TTC7B: variants seen among roughly 807,000 people sequenced by gnomAD.
TTC7B encodes tetratricopeptide repeat domain 7B, also known as tetratricopeptide repeat protein 7B.
TTC7B carries 28 observed loss-of-function variants against 106.8 expected under a neutral mutation model. The ratio of observed to expected loss-of-function variants is 0.26; its 90% CI spans 0.19 to 0.36. The LOEUF (loss-of-function observed/expected upper bound fraction) is 0.36, where lower values mean the gene tolerates loss of function less well. Ranked by LOEUF, TTC7B falls within the 10% of genes least tolerant of loss-of-function variation. The pLI, the probability that TTC7B is intolerant of heterozygous loss-of-function variation, is 1.00. For missense variants in TTC7B, 862 were observed against 1,076.4 expected (o/e 0.80, Z 2.79); for synonymous variants, 405 against 430.6 (o/e 0.94, Z 0.74).
intron 15 of TTC7B, among the ~76,000 whole-genome samples, chr14:90,620,789 G>C (rs1013282534): frequency 6.6e-6 from 1 of 152,250 alleles, no homozygotes; most frequent in African/African-American, 2.4e-5. Flanking sequence ...CAGCTTGGGG[G>C]AACAGTTTTG....
intron 16 of TTC7B, among the ~76,000 whole-genome samples, chr14:90,615,280 C>G (rs1031942939): frequency 6.6e-6 from 1 of 152,190 alleles, no homozygotes; most frequent in Non-Finnish European, 1.5e-5. Context: ...CCTGCTACTG[C>G]CCACGTCTTC....
At chr14:90,617,360 ACTCTT>A (rs1413581050) in intron 16 of TTC7B, among the ~76,000 whole-genome samples, 2 of 152,140 alleles carry the variant, frequency 1.3e-5, no homozygotes, top group African/African-American at 4.8e-5. Flanking sequence ...TGTTCTTCAA[ACTCTT>A]CTGTGAATAG....
rs186947492 is a variant in TTC7B at position 90,731,716 on chromosome 14, G to A, written c.577-1520C>T. 1.0e-3 allele frequency among the ~76,000 whole-genome samples: 153 copies of A among 152,214 alleles called. 1 individual carries two copies. Among genetic ancestry groups the A allele is most frequent in the African/African-American group, 3.6e-3 (150 of 41,526 alleles). On this transcript the variant is annotated intron_variant, in intron 4 of 19. Coordinates refer to ENST00000328459, the MANE Select transcript of TTC7B (RefSeq NM_001010854.2). ...CATCCGTCAAGTGCCAGAGATGCAC[G>A]CGGCACCATCGGAGCCACACTCCTT... is the stretch of plus-strand genomic sequence containing the variant.
intron 18 of TTC7B, among the ~76,000 whole-genome samples, chr14:90,588,169 C>T (rs572498992): frequency 6.6e-6 from 1 of 152,296 alleles, no homozygotes; most frequent in East Asian, 1.9e-4. Flanking sequence ...CGGGATTACC[C>T]CTTGACCCTG....
chr14:90,811,654 C>G (rs1432652486), intron 1 of TTC7B, among the ~76,000 whole-genome samples: 1 of 152,194 alleles, frequency 6.6e-6, no homozygotes, highest in Non-Finnish European at 1.5e-5. Flanking sequence ...CCAAACTATG[C>G]CCCAGAAATA....
chr14:90,621,206 G>A (rs1366697771), intron 15 of TTC7B, among the ~76,000 whole-genome samples: 1 of 152,058 alleles, frequency 6.6e-6, no homozygotes, highest in Non-Finnish European at 1.5e-5. Context: ...CGTGGGTATG[G>A]CTGGGACGAT....
At chr14:90,588,121 G>C (rs1891797334) in intron 18 of TTC7B, among the ~76,000 whole-genome samples, 1 of 152,140 alleles carries the variant, frequency 6.6e-6, no homozygotes, top group African/African-American at 2.4e-5. Context: ...CACCTGTCTG[G>C]GAACTGTCTT....
intron 15 of TTC7B, among the ~76,000 whole-genome samples, chr14:90,630,236 T>C (rs977395168): frequency 3.3e-5 from 5 of 152,326 alleles, no homozygotes; most frequent in East Asian, 3.9e-4. Flanking sequence ...CAAGCATCTA[T>C]GTTTAGTGAA....
chr14:90,701,790 GTGTGTGTA>G (rs1225695002), intron 5 of TTC7B, among the ~76,000 whole-genome samples: 5 of 102,358 alleles, frequency 4.9e-5, no homozygotes, highest in South Asian at 6.3e-4. Context: ...ATATGTGTGT[GTGTGTGTA>G]TATATATATA....
intron 1 of TTC7B, among the ~76,000 whole-genome samples, chr14:90,796,264 C>T (rs374031352): frequency 1.3e-5 from 2 of 152,286 alleles, no homozygotes; most frequent in African/African-American, 2.4e-5. Context: ...GGGCTGGCTT[C>T]GCTTTTCTCT....
chr14:90,545,332 G>A (rs1323530436), intron 19 of TTC7B, among the ~76,000 whole-genome samples: 1 of 152,240 alleles, frequency 6.6e-6, no homozygotes, highest in African/African-American at 2.4e-5. Context: ...GCCATGCTGT[G>A]TCTTCCCTTT....
chr14:90,683,861 GT>G (rs2139932428), intron 7 of TTC7B, among the ~76,000 whole-genome samples: 1 of 152,310 alleles, frequency 6.6e-6, no homozygotes, highest in South Asian at 2.1e-4. Flanking sequence ...CACAGCTTTG[GT>G]TCGGCCATCA....
chr14:90,657,179 G>A lies in TTC7B; in HGVS notation c.1336C>T (p.His446Tyr). ...LAAKLCMGSL[H>Y]WLEEAEKFAK... ...AGGGGGGCGCCCCTACTCACCCAGT[G>A]CAGGGAGCCCATGCAGAGCTTGGCA... Residue 446 changes from histidine (H) to tyrosine (Y), a missense_variant, in exon 11 of 20, where the codon CAC becomes TAC. Transcript: ENST00000328459. This position sits in a 1 kb window ranked among gnomAD's most constrained non-coding sequence, Gnocchi z 4.2. 1 of 1,613,830 alleles carries A rather than the reference G, an allele frequency of 6.2e-7. No individual in the cohort carries two copies. The highest frequency in any genetic ancestry group is 8.5e-7 in the Non-Finnish European group (1 of 1,179,866).
intron 5 of TTC7B, among the ~76,000 whole-genome samples, chr14:90,727,225 T>C (rs1274804575): frequency 6.6e-6 from 1 of 152,144 alleles, no homozygotes; most frequent in African/African-American, 2.4e-5. Flanking sequence ...GGCGATGTCC[T>C]GTCCGGGGTC....
At chr14:90,766,619 T>A in intron 3 of TTC7B, 1 of 975,276 alleles carries the variant, frequency 1.0e-6, no homozygotes, top group South Asian at 1.3e-5. Flanking sequence ...GCCTTTACCA[T>A]CCCTGCCATT....
intron 7 of TTC7B, among the ~76,000 whole-genome samples, chr14:90,686,196 A>G (rs1399904876): frequency 2.0e-5 from 3 of 152,228 alleles, no homozygotes; most frequent in Non-Finnish European, 4.4e-5. Flanking sequence ...CAATTAATGT[A>G]TACACCACAG....
intron 3 of TTC7B, among the ~76,000 whole-genome samples, chr14:90,767,730 A>C (rs933121017): frequency 6.6e-6 from 1 of 152,232 alleles, no homozygotes; most frequent in African/African-American, 2.4e-5. Flanking sequence ...AACAAACAGA[A>C]AAAAAGATTG....
At chr14:90,809,997 T>C (rs1369020599) in intron 1 of TTC7B, among the ~76,000 whole-genome samples, 1 of 152,264 alleles carries the variant, frequency 6.6e-6, no homozygotes, top group Admixed American at 6.5e-5. Flanking sequence ...ACAACCTCCC[T>C]ATAAGTTTGG....
At chr14:90,763,190 C>T (rs1890557508) in intron 3 of TTC7B, among the ~76,000 whole-genome samples, 1 of 152,108 alleles carries the variant, frequency 6.6e-6, no homozygotes, top group Non-Finnish European at 1.5e-5. Flanking sequence ...TATACCATGA[C>T]CAAATGGGAT....
Sources: gnomAD v4.1 joint callset for allele counts (sites outside exome capture counted in the v4.1 genomes callset) on GRCh38, gnomAD v4.1.1 for gene constraint, Gnocchi (gnomAD v3.1) non-coding constraint, MANE v1.5 for transcripts, NCBI Gene and HGNC (gene_info 2026-07-23, HGNC 2026-07-21) for gene names.